The following BDH1 variants were observed in gnomAD, a reference collection of about 807,000 sequenced individuals.
The protein encoded by BDH1 is 3-hydroxybutyrate dehydrogenase 1, also known as D-beta-hydroxybutyrate dehydrogenase, mitochondrial.
BDH1 carries 30 observed loss-of-function variants against 33.1 expected under a neutral mutation model. The ratio of observed to expected loss-of-function variants is 0.91; its 90% CI spans 0.68 to 1.23. The LOEUF (loss-of-function observed/expected upper bound fraction) is 1.23. Among genes scored for constraint, BDH1 ranks in the 50% most tolerant of loss-of-function variants. The pLI is 0.00. For synonymous variants in BDH1, 190 were observed against 183.6 expected (o/e 1.03, Z -0.28); for missense variants, 443 against 464.4 (o/e 0.95, Z 0.42).
Position 197,510,695 on chromosome 3 carries a change from GTGTGTGTGTGTGTGTGTGTGTGTACA to G in BDH1, c.*1174_*1199del, listed in dbSNP as rs1711918668. The G allele has an allele frequency of 2.0e-5, 2 of 102,324 alleles. No homozygotes were observed. The highest frequency in any genetic ancestry group is 8.0e-5 in the African/African-American group (2 of 24,900). The allele number at this position is 102,324 out of a possible 1,614,324, so 6.3% of individuals were successfully genotyped here. On this transcript the variant is annotated 3_prime_UTR_variant, in exon 8 of 8. Transcript: ENST00000392379. Reference sequence around the variant, plus strand: ...GTACATGTGTGTAAGGTGTGTGTGTGTGTGTGTGTGTGTGTGTGTGTGTACATGTGTGTAAGCACCACGTGAGGCAA... The same window carrying G: ...GTACATGTGTGTAAGGTGTGTGTGTGTGTGTGTAAGCACCACGTGAGGCAA...
intron 3 of BDH1, chr3:197,543,108 G>C (rs1715791219): frequency 1.0e-6 from 1 of 985,254 alleles, no homozygotes; most frequent in African/African-American, 1.7e-5. Context: ...TCAGGAATCA[G>C]AAACAATAAC....
chr3:197,519,577 T>C (rs1359300941), intron 6 of BDH1, among the ~76,000 whole-genome samples: 1 of 151,556 alleles, frequency 6.6e-6, no homozygotes, highest in African/African-American at 2.4e-5. Context: ...GACAGGAGAA[T>C]CACTTGAACC....
At chr3:197,569,016 T>C (rs1717521548) in intron 1 of BDH1, among the ~76,000 whole-genome samples, 1 of 152,214 alleles carries the variant, frequency 6.6e-6, no homozygotes, top group Non-Finnish European at 1.5e-5. Flanking sequence ...TTTGCAACAA[T>C]TCTAAAAGTA....
chr3:197,515,438 C>G, intron 6 of BDH1: 1 of 985,782 alleles, frequency 1.0e-6, no homozygotes, highest in Non-Finnish European at 1.2e-6. Flanking sequence ...GCAGACGCGC[C>G]CTGAGTCTTC....
chr3:197,557,402 C>T (rs1419738172), upstream of BDH1, among the ~76,000 whole-genome samples: 3 of 152,166 alleles, frequency 2.0e-5, no homozygotes, highest in African/African-American at 7.2e-5. This position sits in a 1 kb window ranked among gnomAD's most constrained non-coding sequence, Gnocchi z 4.6. Context: ...CTTGCAAATA[C>T]AGGAAGATGA....
At chr3:197,548,813 T>TG (rs1308127978) in intron 2 of BDH1, among the ~76,000 whole-genome samples, 1 of 151,764 alleles carries the variant, frequency 6.6e-6, no homozygotes, top group Non-Finnish European at 1.5e-5. Context: ...ATCACGCCAC[T>TG]GCACTCCAGC....
intron 2 of BDH1, among the ~76,000 whole-genome samples, chr3:197,546,914 C>A (rs1175216912): frequency 6.6e-6 from 1 of 152,234 alleles, no homozygotes; most frequent in Non-Finnish European, 1.5e-5. Flanking sequence ...GGGCATCAGC[C>A]TTCATTCCTG....
intron 1 of BDH1, among the ~76,000 whole-genome samples, chr3:197,566,143 G>A (rs1294517812): frequency 6.6e-6 from 1 of 152,196 alleles, no homozygotes; most frequent in African/African-American, 2.4e-5. Context: ...GGAACTATGT[G>A]TGAGTATTCT....
At position 197,516,699 on chromosome 3, in the gene BDH1, C is replaced by G. The variant is rs576589212; in HGVS notation, c.410-2283G>C. Among the ~76,000 whole-genome samples, 150 of 152,230 alleles carry G rather than the reference C, an allele frequency of 9.9e-4. No individual in the cohort carries two copies. Among genetic ancestry groups the G allele is most frequent in the African/African-American group, 3.4e-3 (142 of 41,508 alleles). ...CCAACACGTCAAGTTTCCAAGCTGC[C>G]CAAGCCTGCTCCTCCTCTTTGTTAA... On this transcript the variant is annotated intron_variant, in intron 6 of 7. Coordinates refer to ENST00000392379, the MANE Select transcript of BDH1 (RefSeq NM_203314.3). The surrounding 1 kb of genome is among the most constrained non-coding windows in gnomAD (Gnocchi z 4.2).
intron 3 of BDH1, among the ~76,000 whole-genome samples, chr3:197,537,019 C>T (rs1715217640): frequency 6.6e-6 from 1 of 152,176 alleles, no homozygotes; most frequent in African/African-American, 2.4e-5. Context: ...GACAGGGTCT[C>T]ACTCTGTTGC....
intron 1 of BDH1, among the ~76,000 whole-genome samples, chr3:197,571,187 C>G (rs955381932): frequency 3.3e-5 from 5 of 152,238 alleles, no homozygotes; most frequent in Admixed American, 6.5e-5. Context: ...TATCCAATGC[C>G]TGTACCTCCA....
chr3:197,538,548 C>G, intron 3 of BDH1: 1 of 359,384 alleles, frequency 2.8e-6, no homozygotes, highest in South Asian at 2.1e-5. Context: ...GACGGGGGTT[C>G]ACCATGTTGG....
At chr3:197,550,271 T>G (rs1003458328) in intron 2 of BDH1, among the ~76,000 whole-genome samples, 4 of 152,156 alleles carry the variant, frequency 2.6e-5, no homozygotes, top group Non-Finnish European at 4.4e-5. Flanking sequence ...CACAGGGACC[T>G]TCAATAAAAG....
chr3:197,559,046 AGGCT>A (rs943025986), upstream of BDH1, among the ~76,000 whole-genome samples: 18 of 143,724 alleles, frequency 1.3e-4, no homozygotes, highest in African/African-American at 4.7e-4. Context: ...CTTGTTACCC[AGGCT>A]GGAGTGCAAT....
At chr3:197,548,976 G>T (rs1470557317) in intron 2 of BDH1, among the ~76,000 whole-genome samples, 1 of 152,180 alleles carries the variant, frequency 6.6e-6, no homozygotes, top group Non-Finnish European at 1.5e-5. Context: ...CCACTGCAGG[G>T]CTCCCAAAGA....
chr3:197,539,349 A>T (rs1715411047), intron 3 of BDH1, among the ~76,000 whole-genome samples: 1 of 152,170 alleles, frequency 6.6e-6, no homozygotes, highest in African/African-American at 2.4e-5. Context: ...CATGTTGGCC[A>T]GGCTGGTCTC....
chr3:197,540,524 C>T (rs949682122), intron 3 of BDH1, among the ~76,000 whole-genome samples: 8 of 152,004 alleles, frequency 5.3e-5, no homozygotes, highest in African/African-American at 1.9e-4. Flanking sequence ...CAAAAATTAG[C>T]AGGGCGTGGT....
At chr3:197,556,205 G>A (rs1407358224), upstream of BDH1, among the ~76,000 whole-genome samples, 4 of 152,254 alleles carry the variant, frequency 2.6e-5, no homozygotes, top group Admixed American at 2.6e-4. Flanking sequence ...GATGGAGCCA[G>A]GTGCGGAAAG....
At chr3:197,563,666 A>G (rs896125231) in intron 1 of BDH1, among the ~76,000 whole-genome samples, 3 of 152,258 alleles carry the variant, frequency 2.0e-5, no homozygotes, top group Admixed American at 2.0e-4. Flanking sequence ...GTATTTTCCA[A>G]TAAAAATATA....
Sources: gnomAD v4.1 joint callset for allele counts (sites outside exome capture counted in the v4.1 genomes callset) on GRCh38, gnomAD v4.1.1 for gene constraint, Gnocchi (gnomAD v3.1) non-coding constraint, MANE v1.5 for transcripts, NCBI Gene and HGNC (gene_info 2026-07-23, HGNC 2026-07-21) for gene names.